Variants in SNHG17 observed in about 807,000 individuals in gnomAD.
SNHG17 encodes the protein small nucleolar RNA host gene 17 (non-protein coding).
chr20:38,426,229 A>G (rs1239017069), intron 4 of SNHG17, among the ~76,000 whole-genome samples: 1 of 151,914 alleles, frequency 6.6e-6, no homozygotes, highest in African/African-American at 2.4e-5. Flanking sequence ...GAGCTCTGTA[A>G]GCCCCACCGT....
intron 5 of SNHG17, among the ~76,000 whole-genome samples, chr20:38,424,184 T>TAA (rs11350648): frequency 1.2e-4 from 18 of 145,650 alleles, no homozygotes; most frequent in African/African-American, 2.8e-4. Context: ...AAAAAAAAAT[T>TAA]AAAAAAAAAA....
rs533016256 is a variant in SNHG17 at position 38,433,939 on chromosome 20, T to C, written n.308+565A>G. On this transcript the variant is annotated intron_variant and non_coding_transcript_variant, in intron 2 of 8. Transcript: ENST00000654008. ...ACGGGGAAGCACTTTCCGCGATTTC[T>C]CTCCCTGCACTATCAATGACCAGGG... 2.5e-5 allele frequency: 13 copies of C among 519,202 alleles called. 1 individual carries two copies. The highest frequency in any genetic ancestry group is 1.3e-4 in the South Asian group (9 of 71,588). 32.2% of individuals were successfully genotyped at this position (519,202 alleles called of 1,614,324 possible). A position where few individuals can be genotyped will look rare whatever the true frequency, so the allele number is the denominator to read the frequency against.
chr20:38,432,436 C>T (rs767821868), intron 2 of SNHG17, among the ~76,000 whole-genome samples: 4 of 152,168 alleles, frequency 2.6e-5, no homozygotes, highest in African/African-American at 7.2e-5. Context: ...CTGTCATCTG[C>T]GGGTCAGGGC....
intron 5 of SNHG17, chr20:38,425,124 C>T (rs1363881039): frequency 2.2e-6 from 1 of 456,826 alleles, no homozygotes; most frequent in African/African-American, 2.0e-5. Context: ...TGGTGCCATC[C>T]CTAATGAGGT....
At chr20:38,420,818 G>T (rs574559244) in exon 8 of SNHG17, 2 of 152,114 alleles carry the variant, frequency 1.3e-5, no homozygotes, top group Non-Finnish European at 2.9e-5. Context: ...AGGCAGCAGG[G>T]AGCAGCTCTG....
At chr20:38,430,252 T>C (rs788342) in intron 3 of SNHG17, among the ~76,000 whole-genome samples, 35,183 of 149,836 alleles carry the variant, frequency 0.23, 5,118 homozygotes, top group African/African-American at 0.42. Flanking sequence ...ACCCGGGAAG[T>C]GGAGGTTGCA....
intron 6 of SNHG17, chr20:38,421,735 TCGGGACA>T (rs1364403273): frequency 1.3e-5 from 2 of 152,106 alleles, no homozygotes; most frequent in Non-Finnish European, 2.9e-5. Flanking sequence ...CTGTTAATGA[TCGGGACA>T]CAGGCAACCC....
At chr20:38,433,900 C>T (rs963888852) in intron 2 of SNHG17, 2 of 519,110 alleles carry the variant, frequency 3.9e-6, no homozygotes, top group African/African-American at 1.9e-5. Flanking sequence ...GGGACAGGAG[C>T]GGACCCTCCA....
chr20:38,430,706 T>C (rs788344), intron 3 of SNHG17: 35,268 of 152,240 alleles, frequency 0.23, 5,137 homozygotes, highest in African/African-American at 0.42. Context: ...TACATAAGAC[T>C]GCTCAGCCGG....
chr20:38,427,285 G>T, intron 3 of SNHG17: 1 of 486,620 alleles, frequency 2.1e-6, no homozygotes. Context: ...ACTCCTCAAG[G>T]GCTGGCAGGA....
intron 5 of SNHG17, among the ~76,000 whole-genome samples, chr20:38,422,422 CCA>C (rs1461541899): frequency 6.6e-6 from 1 of 152,134 alleles, no homozygotes; most frequent in Non-Finnish European, 1.5e-5. Context: ...CATAAGCAAC[CCA>C]CAAATGCCAC....
chr20:38,429,617 C>T, intron 3 of SNHG17: 1 of 461,758 alleles, frequency 2.2e-6, no homozygotes, highest in South Asian at 1.6e-5. Flanking sequence ...ACACAACCCA[C>T]TAGATGATGC....
intron 1 of SNHG17, chr20:38,434,857 C>T (rs920957833): frequency 1.2e-4 from 114 of 985,348 alleles, no homozygotes; most frequent in Non-Finnish European, 1.3e-4. Flanking sequence ...AGTCAAGTGG[C>T]TTTGGAGGCT....
At chr20:38,423,550 T>TAAA (rs34484602) in intron 5 of SNHG17, among the ~76,000 whole-genome samples, 4 of 125,066 alleles carry the variant, frequency 3.2e-5, no homozygotes, top group African/African-American at 1.2e-4. Context: ...TGTGCAATGT[T>TAAA]AAAAAAAAAA....
At chr20:38,428,033 A>G (rs1272067137) in intron 3 of SNHG17, 2 of 152,272 alleles carry the variant, frequency 1.3e-5, no homozygotes, top group Non-Finnish European at 2.9e-5. Flanking sequence ...GGGAGGGAGC[A>G]TGAGGAAGCT....
intron 3 of SNHG17, chr20:38,429,449 GGA>G (rs2084303392): frequency 8.3e-6 from 2 of 239,796 alleles, no homozygotes; most frequent in Non-Finnish European, 1.6e-5. Context: ...GGACGTGGAA[GGA>G]GAGGTGTGGA....
chr20:38,433,989 G>A (rs577918608), intron 2 of SNHG17: 10 of 518,904 alleles, frequency 1.9e-5, no homozygotes, highest in East Asian at 5.4e-5. Flanking sequence ...GATCACTTTC[G>A]AATACAGGTG....
intron 2 of SNHG17, chr20:38,433,881 A>G (rs1436486161): frequency 3.9e-6 from 2 of 519,240 alleles, no homozygotes; most frequent in East Asian, 1.1e-4. Flanking sequence ...AAAGCTCCAG[A>G]GTTTGAAAGG....
chr20:38,421,209 A>C (rs544804584), intron 6 of SNHG17: 2 of 152,376 alleles, frequency 1.3e-5, no homozygotes, highest in Non-Finnish European at 2.9e-5. Context: ...CTCCTCATTC[A>C]CGCACACCAA....
Sources: gnomAD v4.1 joint callset for allele counts (sites outside exome capture counted in the v4.1 genomes callset) on GRCh38, gnomAD v4.1.1 for gene constraint, MANE v1.5 for transcripts, NCBI Gene and HGNC (gene_info 2026-07-23, HGNC 2026-07-21) for gene names.